The following TBC1D7 variants were observed in gnomAD, a reference collection of about 807,000 sequenced individuals.
The protein encoded by TBC1D7 is TBC1 domain family member 7.
In TBC1D7, 33 loss-of-function variants were observed where a neutral mutation model predicts 35.3. The observed-to-expected ratio is 0.93, with a 90% CI of 0.71 to 1.25. The LOEUF is 1.25. Among genes scored for constraint, TBC1D7 ranks in the 50% most tolerant of loss-of-function variants. The pLI is 0.00. For synonymous variants in TBC1D7, 135 were observed against 129.5 expected (o/e 1.04, Z -0.29); for missense variants, 362 against 365.3 (o/e 0.99, Z 0.07).
At chr6:13,315,873 G>A (rs1290185440) in intron 5 of TBC1D7, among the ~76,000 whole-genome samples, 1 of 152,192 alleles carries the variant, frequency 6.6e-6, no homozygotes, top group Admixed American at 6.5e-5. Flanking sequence ...CTGGGGTTGG[G>A]TCAGTTCTCC....
chr6:13,315,275 A>G (rs1048625030), intron 5 of TBC1D7, among the ~76,000 whole-genome samples: 7 of 152,204 alleles, frequency 4.6e-5, no homozygotes, highest in African/African-American at 1.7e-4. Context: ...AGCCTACTCA[A>G]CGTGAAGACA....
chr6:13,306,880 T>C (rs368406096), intron 6 of TBC1D7: 10 of 160,240 alleles, frequency 6.2e-5, no homozygotes, highest in South Asian at 3.4e-4. Flanking sequence ...AATGCTAATA[T>C]AATTATAGCC....
At chr6:13,307,811 C>A in intron 5 of TBC1D7, 66 bp from the exon 6 acceptor site, 1 of 1,481,096 alleles carries the variant, frequency 6.8e-7, no homozygotes, top group African/African-American at 1.4e-5. Context: ...ATATTATAGT[C>A]TCTGATGAAA....
At chr6:13,322,484 G>T (rs1784111281) in intron 3 of TBC1D7, among the ~76,000 whole-genome samples, 1 of 152,060 alleles carries the variant, frequency 6.6e-6, no homozygotes, top group Admixed American at 6.6e-5. Flanking sequence ...TCATACAGTT[G>T]TTGAGATGAA....
At chr6:13,310,685 G>A (rs1383889650) in intron 5 of TBC1D7, among the ~76,000 whole-genome samples, 2 of 147,428 alleles carry the variant, frequency 1.4e-5, no homozygotes, top group East Asian at 2.0e-4. Context: ...ACACAGGACA[G>A]TAGTATGAAA....
At chr6:13,327,285 A>G (rs1191713669) in intron 1 of TBC1D7, among the ~76,000 whole-genome samples, 2 of 152,216 alleles carry the variant, frequency 1.3e-5, no homozygotes, top group Non-Finnish European at 2.9e-5. Context: ...CGTCAAGCAA[A>G]TTATACTCAA....
rs188802427 is a variant in TBC1D7, at chr6:13,309,213, T to C, written c.520-1468A>G. ...TGCACTTTTTTCCTATTGACTTGGT[T>C]GAAAACACACACACAGAGTTATATA... On this transcript the variant is annotated intron_variant, in intron 5 of 7. Transcript: ENST00000379300. 3.4e-3 allele frequency among the ~76,000 whole-genome samples: 525 copies of C among 152,340 alleles called. 3 individuals carry two copies. The highest frequency in any genetic ancestry group is 0.012 in the African/African-American group (483 of 41,570).
At position 13,306,459 on chromosome 6, in the gene TBC1D7, G is replaced by A. The variant is rs1232698966; in HGVS notation, c.734C>T (p.Thr245Ile). 1 of 1,608,998 alleles carries A rather than the reference G, an allele frequency of 6.2e-7. No individual in the cohort carries two copies. Reference protein sequence around the residue: ...LVFVAVEILLTFKIKVMALNS... With the variant: ...LVFVAVEILLIFKIKVMALNS... Reference sequence around the variant, plus strand: ...CAGTGCCATAACTTTTATTTTAAAGGTTAATAAAATTTCGACAGCTACAAA... The same window carrying A: ...CAGTGCCATAACTTTTATTTTAAAGATTAATAAAATTTCGACAGCTACAAA... The change falls in exon 7 of 8, where the codon ACC becomes ATC. Residue 245 changes from threonine (T) to isoleucine (I), a missense_variant. Physicochemically the swap from Thr to Ile is moderately conservative, Grantham distance 89. Transcript: ENST00000379300.
chr6:13,309,824 G>T (rs1783067826), intron 5 of TBC1D7, among the ~76,000 whole-genome samples: 1 of 152,088 alleles, frequency 6.6e-6, no homozygotes, highest in African/African-American at 2.4e-5. Context: ...AATCTTAAAA[G>T]GTTAATATCC....
At chr6:13,305,517 A>G in intron 7 of TBC1D7, 1 of 378,342 alleles carries the variant, frequency 2.6e-6, no homozygotes, top group Non-Finnish European at 4.9e-6. Context: ...GAGGTAACCC[A>G]TGGAAAATAC....
At chr6:13,320,614 TAAC>T in intron 4 of TBC1D7, 1 of 594,692 alleles carries the variant, frequency 1.7e-6, no homozygotes, top group Non-Finnish European at 3.0e-6. Context: ...TGCATAATGT[TAAC>T]AACTGGAGAA....
Position 13,321,029 on chromosome 6 carries a change from T to A in TBC1D7, c.260A>T (p.Asp87Val). The change falls in exon 4 of 8, where the codon GAT (aspartate) becomes GTT (valine). Residue 87 changes from aspartate to valine, a missense_variant. Transcript: ENST00000379300. ...AACGACTTTCAGGGCATGAAGGACA[T>A]CCAAGTACTGCTCCTTACGATACAT... Reference protein sequence around the residue: ...VMMYRKEQYLDVLHALKVVRF... With the variant: ...VMMYRKEQYLVVLHALKVVRF... The A allele has an allele frequency of 6.2e-7, 1 of 1,614,088 alleles. No homozygotes were observed. Among genetic ancestry groups the A allele is most frequent in the South Asian group, 1.1e-5 (1 of 91,084 alleles).
At chr6:13,318,770 G>A (rs938421714) in intron 4 of TBC1D7, 2 of 152,140 alleles carry the variant, frequency 1.3e-5, no homozygotes, top group Non-Finnish European at 2.9e-5. Flanking sequence ...AGAAGGAGAA[G>A]GGAAAACTCT....
At chr6:13,321,623 A>G (rs1183002782) in intron 3 of TBC1D7, among the ~76,000 whole-genome samples, 4 of 152,238 alleles carry the variant, frequency 2.6e-5, no homozygotes, top group Non-Finnish European at 4.4e-5. Flanking sequence ...TTTCTATGAC[A>G]TATTAAGCTC....
At chr6:13,322,209 G>A (rs1298013533) in intron 3 of TBC1D7, among the ~76,000 whole-genome samples, 2 of 151,666 alleles carry the variant, frequency 1.3e-5, no homozygotes, top group East Asian at 1.9e-4. Flanking sequence ...AGCTGTGATC[G>A]TACCACCGCA....
At chr6:13,312,457 G>T (rs754084684) in intron 5 of TBC1D7, among the ~76,000 whole-genome samples, 34 of 152,220 alleles carry the variant, frequency 2.2e-4, no homozygotes, top group Non-Finnish European at 4.7e-4. Flanking sequence ...GAGGCCGAGT[G>T]GGGGCAGATC....
rs1782712664 is a variant in TBC1D7 at position 13,305,010 on chromosome 6, G to C, written c.*91C>G. On this transcript the variant is annotated 3_prime_UTR_variant, in exon 8 of 8. Transcript: ENST00000379300. Reference sequence around the variant, plus strand: ...CACTTTGAGCACCAAAGCAAGAAAAGTGTATTATTCAATCAGTTTCCCAGA... The same window carrying C: ...CACTTTGAGCACCAAAGCAAGAAAACTGTATTATTCAATCAGTTTCCCAGA... 1 of 1,088,450 alleles carries C rather than the reference G, an allele frequency of 9.2e-7. No individual in the cohort carries two copies. The highest frequency in any genetic ancestry group is 2.7e-5 in the East Asian group (1 of 37,732). The allele number at this position is 1,088,450 out of a possible 1,614,324, so 67.4% of individuals were successfully genotyped here. A position where few individuals can be genotyped will look rare whatever the true frequency, so the allele number is the denominator to read the frequency against.
Position 13,305,057 on chromosome 6 carries a change from C to T in TBC1D7, c.*44G>A. ...CAGATCACATGCCAAGAACACAATG[C>T]TCACTGTGGTGCCTGGCAGACGGTC... On this transcript the variant is annotated 3_prime_UTR_variant, in exon 8 of 8. Coordinates refer to ENST00000379300, the MANE Select transcript of TBC1D7 (RefSeq NM_016495.6). 6.9e-7 allele frequency: 1 copy of T among 1,458,206 alleles called. No individual in the cohort carries two copies. The highest frequency in any genetic ancestry group is 1.2e-5 in the South Asian group (1 of 80,468). 90.3% of individuals were successfully genotyped at this position (1,458,206 alleles called of 1,614,324 possible).
At chr6:13,319,529 G>A (rs1783877577) in intron 4 of TBC1D7, 1 of 148,596 alleles carries the variant, frequency 6.7e-6, no homozygotes, top group Admixed American at 6.7e-5. Flanking sequence ...GCAGCTAAAT[G>A]TAATGTGTGA....
Sources: allele counts gnomAD v4.1 joint callset (sites outside exome capture counted in the v4.1 genomes callset), GRCh38; gene constraint gnomAD v4.1.1; transcripts MANE v1.5; gene names NCBI Gene and HGNC (gene_info 2026-07-23, HGNC 2026-07-21).